Variants in VPS50 observed in about 807,000 individuals in gnomAD.
VPS50 encodes syndetin.
VPS50 carries 70 observed loss-of-function variants against 139.7 expected under a neutral mutation model. The ratio of observed to expected loss-of-function variants is 0.50; its 90% CI spans 0.41 to 0.61. VPS50 has a LOEUF of 0.61. VPS50 is among the 20% of genes least tolerant of loss of function. The probability of loss-of-function intolerance (pLI) is 0.00; values close to 1 mark genes in which losing one functional copy is unlikely to be tolerated. For missense variants in VPS50, 921 were observed against 1,133.7 expected (o/e 0.81, Z 2.69); for synonymous variants, 365 against 376.7 (o/e 0.97, Z 0.36).
At chr7:93,296,381 A>G (rs1357745577) in intron 14 of VPS50, among the ~76,000 whole-genome samples, 1 of 152,216 alleles carries the variant, frequency 6.6e-6, no homozygotes, top group African/African-American at 2.4e-5. Context: ...ATATACACCC[A>G]GGATCAGATA....
chr7:93,256,626 A>G, intron 5 of VPS50, 64 bp downstream of exon 5: 1 of 836,812 alleles, frequency 1.2e-6, no homozygotes, highest in Non-Finnish European at 1.9e-6. Context: ...TTACACTTGA[A>G]ACTGTTAAAA....
At chr7:93,356,194 T>C (rs1263070474) in intron 27 of VPS50, 114 bp downstream of exon 27, 1 of 550,556 alleles carries the variant, frequency 1.8e-6, no homozygotes, top group East Asian at 3.0e-5. Flanking sequence ...AAACATTTGC[T>C]TTTTTAATAC....
chr7:93,350,307 A>G (rs1479182316), intron 25 of VPS50, among the ~76,000 whole-genome samples: 2 of 152,196 alleles, frequency 1.3e-5, no homozygotes, highest in South Asian at 2.1e-4. Context: ...CTCAGTAGCC[A>G]TCACTATAAT....
At chr7:93,307,248 T>C (rs1200527514) in intron 18 of VPS50, among the ~76,000 whole-genome samples, 2 of 151,932 alleles carry the variant, frequency 1.3e-5, no homozygotes, top group Non-Finnish European at 2.9e-5. Context: ...CCAACAACGC[T>C]GTAACTCTTG....
intron 11 of VPS50, 85 bp from the exon 12 acceptor site, chr7:93,276,080 A>G (rs571053957): frequency 1.6e-6 from 2 of 1,246,764 alleles, no homozygotes; most frequent in Non-Finnish European, 2.2e-6. Flanking sequence ...ATTTGAAAAG[A>G]TGTTTCCCTG....
At chr7:93,249,168 T>A (rs1795242707) in intron 2 of VPS50, among the ~76,000 whole-genome samples, 1 of 152,062 alleles carries the variant, frequency 6.6e-6, no homozygotes, top group African/African-American at 2.4e-5. Flanking sequence ...TTGACATACA[T>A]ATACAGATTG....
intron 27 of VPS50, among the ~76,000 whole-genome samples, chr7:93,357,883 TGGA>T (rs978614338): frequency 1.1e-4 from 16 of 152,108 alleles, no homozygotes; most frequent in Admixed American, 5.9e-4. Context: ...CTTCTGTTGT[TGGA>T]GATTTTTTTT....
intron 27 of VPS50, among the ~76,000 whole-genome samples, chr7:93,357,884 GGAGA>G (rs925772406): frequency 4.0e-5 from 6 of 151,740 alleles, no homozygotes; most frequent in African/African-American, 1.5e-4. Flanking sequence ...TTCTGTTGTT[GGAGA>G]TTTTTTTTTT....
intron 17 of VPS50, among the ~76,000 whole-genome samples, chr7:93,304,243 A>G (rs150914197): frequency 1.2e-4 from 18 of 151,944 alleles, no homozygotes; most frequent in African/African-American, 3.1e-4. Flanking sequence ...TTCAGAAAGT[A>G]TGGTGTGTTT....
chr7:93,283,951 G>T (rs573452722), intron 12 of VPS50, among the ~76,000 whole-genome samples: 4 of 152,316 alleles, frequency 2.6e-5, no homozygotes, highest in African/African-American at 9.6e-5. Context: ...CATGCTTTGG[G>T]TAACCATTTA....
At chr7:93,347,044 C>T (rs1474372465) in intron 23 of VPS50, among the ~76,000 whole-genome samples, 1 of 145,112 alleles carries the variant, frequency 6.9e-6, no homozygotes, top group Non-Finnish European at 1.5e-5. Context: ...AGGCAACCTA[C>T]AAAATGGGAG....
At chr7:93,345,156 G>A (rs975960234) in intron 23 of VPS50, among the ~76,000 whole-genome samples, 5 of 152,258 alleles carry the variant, frequency 3.3e-5, no homozygotes, top group East Asian at 3.9e-4. Flanking sequence ...TATCACCACC[G>A]ATCCCACAGA....
chr7:93,259,950 T>C (rs1377515892), intron 9 of VPS50, among the ~76,000 whole-genome samples: 9 of 152,220 alleles, frequency 5.9e-5, no homozygotes, highest in Non-Finnish European at 1.2e-4. Context: ...ATGCATCTCT[T>C]GGGAATTCTT....
In VPS50 at chr7:93,232,776, C is replaced by T. The variant is rs1562840865; in HGVS notation, c.33+276C>T. 3.9e-5 allele frequency among the ~76,000 whole-genome samples: 6 copies of T among 152,216 alleles called. 1 individual carries two copies. Among genetic ancestry groups the T allele is most frequent in the Admixed American group, 3.9e-4 (6 of 15,302 alleles). The stretch of plus-strand genomic sequence containing the variant: ...TTGTCTCCCCTCCTCCTCTTTTTGC[C>T]GTCTTTCCAGAACAGCCCGAGCTTC... On this transcript the variant is annotated intron_variant, in intron 1 of 27. Coordinates refer to ENST00000305866, the MANE Select transcript of VPS50 (RefSeq NM_017667.4).
At chr7:93,272,244 AT>A (rs1400813189) in intron 10 of VPS50, among the ~76,000 whole-genome samples, 3 of 151,806 alleles carry the variant, frequency 2.0e-5, no homozygotes, top group Non-Finnish European at 4.4e-5. Context: ...CTTTTCGTTG[AT>A]TAGAGAAAGA....
chr7:93,276,852 G>A (rs1474289821), intron 12 of VPS50, among the ~76,000 whole-genome samples: 1 of 152,124 alleles, frequency 6.6e-6, no homozygotes, highest in Non-Finnish European at 1.5e-5. Flanking sequence ...TGAATAATTG[G>A]GAGAATGGTA....
At chr7:93,278,590 CAA>C (rs11445569) in intron 12 of VPS50, among the ~76,000 whole-genome samples, 4 of 67,974 alleles carry the variant, frequency 5.9e-5, no homozygotes, top group Non-Finnish European at 6.4e-5. Flanking sequence ...GACTCTGTCT[CAA>C]AAAAAAAAAA....
chr7:93,241,757 C>T (rs1331132121), intron 2 of VPS50, among the ~76,000 whole-genome samples: 1 of 151,978 alleles, frequency 6.6e-6, no homozygotes, highest in Non-Finnish European at 1.5e-5. Context: ...TTCAGAAATT[C>T]CCTACACAGC....
At chr7:93,354,703 G>C (rs1228586388) in intron 26 of VPS50, among the ~76,000 whole-genome samples, 1 of 152,078 alleles carries the variant, frequency 6.6e-6, no homozygotes, top group Non-Finnish European at 1.5e-5. Flanking sequence ...ATGTGTTGAA[G>C]TTATGGATCT....
Sources: gnomAD v4.1 joint callset for allele counts (sites outside exome capture counted in the v4.1 genomes callset) on GRCh38, gnomAD v4.1.1 for gene constraint, MANE v1.5 for transcripts, NCBI Gene and HGNC (gene_info 2026-07-23, HGNC 2026-07-21) for gene names.